CADM2: variants seen among roughly 807,000 people sequenced by gnomAD.
CADM2 encodes immunoglobulin superfamily member 4D.
CADM2 carries 12 observed loss-of-function variants against 49.8 expected under a neutral mutation model. The ratio of observed to expected loss-of-function variants is 0.24; its 90% CI spans 0.15 to 0.39. The LOEUF (loss-of-function observed/expected upper bound fraction) is 0.39. CADM2 is among the 10% of genes least tolerant of loss of function. CADM2 has a pLI of 1.00. For missense variants in CADM2, 378 were observed against 492.3 expected, an observed-to-expected ratio of 0.77 and a Z score of 2.20; for synonymous variants, 214 against 175.4, an observed-to-expected ratio of 1.22 and a Z score of -1.74.
At chr3:85,563,411 T>TGGGGGCG (rs1553742868) in intron 1 of CADM2, among the ~76,000 whole-genome samples, 6 of 142,044 alleles carry the variant, frequency 4.2e-5, no homozygotes, top group Non-Finnish European at 7.8e-5. Flanking sequence ...TGTGTGTGTG[T>TGGGGGCG]GGGGGGGTGG....
chr3:86,024,274 A>G (rs1733586242), intron 8 of CADM2, among the ~76,000 whole-genome samples: 1 of 152,230 alleles, frequency 6.6e-6, no homozygotes, highest in African/African-American at 2.4e-5. Flanking sequence ...CAAGGGACAG[A>G]TCAGGTATCT....
intron 3 of CADM2, among the ~76,000 whole-genome samples, chr3:85,819,770 C>A (rs2073439663): frequency 6.6e-6 from 1 of 152,082 alleles, no homozygotes; most frequent in Non-Finnish European, 1.5e-5. Flanking sequence ...TATTAAACTG[C>A]TTTTTGCAGT....
chr3:84,980,438 G>A (rs114196319), intron 1 of CADM2, among the ~76,000 whole-genome samples: 1,872 of 152,154 alleles, frequency 0.012, 38 homozygotes, highest in African/African-American at 0.043. Flanking sequence ...TTCCACATGC[G>A]CATGTTCTCA....
At chr3:85,957,196 TAGC>T (rs1724171905) in intron 7 of CADM2, among the ~76,000 whole-genome samples, 1 of 151,760 alleles carries the variant, frequency 6.6e-6, no homozygotes, top group East Asian at 1.9e-4. Flanking sequence ...TAAATTCAAA[TAGC>T]AGTTAAAAGA....
At chr3:85,977,153 T>G (rs963242758) in intron 8 of CADM2, among the ~76,000 whole-genome samples, 6 of 150,958 alleles carry the variant, frequency 4.0e-5, no homozygotes, top group African/African-American at 1.5e-4. Context: ...TTATTGTAAA[T>G]AAAAACAAAA....
At chr3:85,404,953 G>C (rs1184608135) in intron 1 of CADM2, among the ~76,000 whole-genome samples, 1 of 152,082 alleles carries the variant, frequency 6.6e-6, no homozygotes, top group Non-Finnish European at 1.5e-5. Context: ...CTATTTTACA[G>C]TTATATTCAT....
intron 1 of CADM2, among the ~76,000 whole-genome samples, chr3:85,003,376 A>T (rs1434560533): frequency 2.0e-5 from 3 of 152,210 alleles, no homozygotes; most frequent in East Asian, 1.9e-4. Flanking sequence ...GAGATTGTTT[A>T]AAAAAATCTT....
chr3:85,320,861 T>C (rs2044580145), intron 1 of CADM2, among the ~76,000 whole-genome samples: 1 of 151,690 alleles, frequency 6.6e-6, no homozygotes. Flanking sequence ...TATTGTGGTT[T>C]ATATCTCTGA....
At chr3:85,568,956 T>G (rs2107230616) in intron 1 of CADM2, among the ~76,000 whole-genome samples, 1 of 152,284 alleles carries the variant, frequency 6.6e-6, no homozygotes, top group Admixed American at 6.5e-5. Context: ...TTCATTTTAA[T>G]CAAACGTCTC....
At chr3:85,290,978 T>C (rs1024765855) in intron 1 of CADM2, among the ~76,000 whole-genome samples, 1 of 152,156 alleles carries the variant, frequency 6.6e-6, no homozygotes, top group Non-Finnish European at 1.5e-5. Flanking sequence ...CTTCAGACGA[T>C]CAAATTACTC....
At chr3:85,269,454 A>T (rs2043188269) in intron 1 of CADM2, among the ~76,000 whole-genome samples, 2 of 151,608 alleles carry the variant, frequency 1.3e-5, no homozygotes, top group East Asian at 1.9e-4. Flanking sequence ...GTCTTAAATG[A>T]TGAAGACTTA....
At chr3:85,295,674 G>C (rs1332136363) in intron 1 of CADM2, among the ~76,000 whole-genome samples, 1 of 151,976 alleles carries the variant, frequency 6.6e-6, no homozygotes, top group African/African-American at 2.4e-5. Context: ...ATCATTCTCA[G>C]TAAACTATCG....
chr3:84,991,966 A>G (rs920073390), intron 1 of CADM2, among the ~76,000 whole-genome samples: 3 of 152,180 alleles, frequency 2.0e-5, no homozygotes, highest in African/African-American at 7.2e-5. Flanking sequence ...GAGACAGTAA[A>G]AAGTTCCCTG....
At chr3:85,913,661 C>T (rs1277560521) in intron 6 of CADM2, among the ~76,000 whole-genome samples, 3 of 152,220 alleles carry the variant, frequency 2.0e-5, no homozygotes, top group East Asian at 1.9e-4. Context: ...TAATCACCTC[C>T]GCTATCACCA....
chr3:85,732,451 A>G (rs1316935894), intron 2 of CADM2, among the ~76,000 whole-genome samples: 2 of 152,132 alleles, frequency 1.3e-5, no homozygotes, highest in Non-Finnish European at 2.9e-5. Flanking sequence ...GTATTTCTGT[A>G]ACACATATTT....
intron 1 of CADM2, among the ~76,000 whole-genome samples, chr3:85,364,428 G>A (rs1434989147): frequency 6.6e-6 from 1 of 152,098 alleles, no homozygotes; most frequent in African/African-American, 2.4e-5. Context: ...TTCCTCAGTA[G>A]AATTATGTCA....
intron 1 of CADM2, among the ~76,000 whole-genome samples, chr3:85,451,928 G>A (rs567012075): frequency 1.6e-4 from 24 of 152,164 alleles, no homozygotes; most frequent in Admixed American, 7.8e-4. Flanking sequence ...CTTAGGCGCA[G>A]TCCAAAGCAC....
rs372526625 is a variant in CADM2, at chr3:85,714,721, C to T, written c.62-11801C>T. 4.6e-5 allele frequency among the ~76,000 whole-genome samples: 7 copies of T among 152,244 alleles called. No homozygotes were observed. The East Asian group carries it at 1.4e-3, about 29-fold the overall frequency. On this transcript the variant is annotated intron_variant, in intron 1 of 9. Coordinates refer to ENST00000383699, the MANE Select transcript of CADM2 (RefSeq NM_001167675.2). The stretch of plus-strand genomic sequence containing the variant: ...CTGGGATTACACGTGTGAGCCACCG[C>T]GCCTGGCCCTGTTTATCTATTTTTA...
chr3:85,050,807 C>T (rs2035853248), intron 1 of CADM2, among the ~76,000 whole-genome samples: 1 of 152,176 alleles, frequency 6.6e-6, no homozygotes, highest in Non-Finnish European at 1.5e-5. Context: ...ACAGTCTTCC[C>T]TCCAATCCTT....
Sources: gnomAD v4.1 joint callset for allele counts (sites outside exome capture counted in the v4.1 genomes callset) on GRCh38, gnomAD v4.1.1 for gene constraint, MANE v1.5 for transcripts, NCBI Gene and HGNC (gene_info 2026-07-23, HGNC 2026-07-21) for gene names.